WWOX: variants seen among roughly 807,000 people sequenced by gnomAD.
The protein encoded by WWOX is WW domain-containing oxidoreductase.
Under a neutral mutation model 46.2 loss-of-function variants are expected in WWOX, and 69 were observed. The ratio of observed to expected loss-of-function variants is 1.49; its 90% confidence interval spans 1.23 to 1.82. The LOEUF is 1.82. Ranked by LOEUF, WWOX falls within the 40% of genes most tolerant of loss-of-function variation. The pLI is 0.00. For synonymous variants in WWOX, 359 were observed against 202.6 expected (o/e 1.77, Z -6.56); for missense variants, 919 against 542.6 (o/e 1.69, Z -6.89).
chr16:78,648,358 C>T (rs1280009162), intron 8 of WWOX, among the ~76,000 whole-genome samples: 4 of 152,296 alleles, frequency 2.6e-5, no homozygotes, highest in Admixed American at 2.0e-4. Context: ...AGCCAGCCGG[C>T]TCCCCTGCAC....
chr16:78,422,206 T>A lies in WWOX; in HGVS notation c.606-2664T>A, dbSNP rs574583947. ...TTATATACTAAAAATATGGGGCTTC[T>A]ATATGATTGCATATATTCGTCACTT... On this transcript the variant is annotated intron_variant, in intron 6 of 8. Transcript: ENST00000566780. 7.2e-5 allele frequency among the ~76,000 whole-genome samples: 11 copies of A among 152,336 alleles called. No individual in the cohort carries two copies. In the South Asian group the frequency reaches 2.3e-3, roughly 32 times the overall value.
At chr16:78,882,954 T>G (rs377615471) in intron 8 of WWOX, among the ~76,000 whole-genome samples, 1 of 152,120 alleles carries the variant, frequency 6.6e-6, no homozygotes, top group Non-Finnish European at 1.5e-5. Context: ...TGTCGTAGGC[T>G]GAGGGAGAAG....
intron 8 of WWOX, among the ~76,000 whole-genome samples, chr16:79,040,166 C>T (rs1200085275): frequency 1.3e-5 from 2 of 152,078 alleles, no homozygotes; most frequent in African/African-American, 2.4e-5. Flanking sequence ...ATAAAAAGAG[C>T]CCTTGGAAAA....
chr16:78,996,386 C>CCG (rs1555508914), intron 8 of WWOX: 1 of 811,984 alleles, frequency 1.2e-6, no homozygotes, highest in Admixed American at 8.0e-5. Context: ...ACCCCCGCCC[C>CCG]CCAGCTTCCC....
At chr16:79,112,202 T>C (rs565507213) in intron 8 of WWOX, among the ~76,000 whole-genome samples, 1 of 152,272 alleles carries the variant, frequency 6.6e-6, no homozygotes, top group East Asian at 1.9e-4. Flanking sequence ...GTAAGTATTA[T>C]ACATGCCAAA....
rs188114155 is a variant in WWOX, at chr16:78,612,895, G to A, written c.1056+180143G>A. 1.2e-4 allele frequency among the ~76,000 whole-genome samples: 18 copies of A among 152,326 alleles called. No homozygotes were observed. The East Asian group carries it at 3.3e-3, about 28-fold the overall frequency. On this transcript the variant is annotated intron_variant, in intron 8 of 8. Transcript: ENST00000566780. ...CATAGTCCCTTAGGGTAACATGAGT[G>A]CTCAAGAAATAGTAAATTTTAGTAT...
chr16:78,603,447 C>T (rs1484746499), intron 8 of WWOX, among the ~76,000 whole-genome samples: 1 of 152,204 alleles, frequency 6.6e-6, no homozygotes, highest in African/African-American at 2.4e-5. Flanking sequence ...GCAATCCCAG[C>T]ATTTTGGGAG....
intron 8 of WWOX, among the ~76,000 whole-genome samples, chr16:78,591,318 A>G (rs566075304): frequency 2.0e-5 from 3 of 152,286 alleles, no homozygotes; most frequent in East Asian, 3.9e-4. Context: ...CCAGAACTGT[A>G]TCAAATTTAC....
intron 8 of WWOX, among the ~76,000 whole-genome samples, chr16:79,043,475 G>A (rs909485502): frequency 6.6e-6 from 1 of 152,190 alleles, no homozygotes; most frequent in Non-Finnish European, 1.5e-5. Context: ...AAAAGCAAGT[G>A]CATTAGATAA....
intron 8 of WWOX, among the ~76,000 whole-genome samples, chr16:79,187,436 T>C (rs907999288): frequency 3.3e-5 from 5 of 152,214 alleles, no homozygotes; most frequent in African/African-American, 1.2e-4. Flanking sequence ...AGTATCGCTC[T>C]GTCACCCAGG....
chr16:78,673,913 T>A (rs1332352205), intron 8 of WWOX, among the ~76,000 whole-genome samples: 2 of 152,170 alleles, frequency 1.3e-5, no homozygotes, highest in African/African-American at 4.8e-5. Flanking sequence ...TTTAATTGGT[T>A]CATCCCATTT....
intron 8 of WWOX, among the ~76,000 whole-genome samples, chr16:78,979,932 T>C (rs2046648051): frequency 6.6e-6 from 1 of 152,084 alleles, no homozygotes; most frequent in Admixed American, 6.6e-5. Context: ...ATTGAGACCA[T>C]CCTGGCTAAC....
At chr16:78,299,427 C>G (rs1025724309) in intron 5 of WWOX, among the ~76,000 whole-genome samples, 6 of 152,084 alleles carry the variant, frequency 3.9e-5, no homozygotes, top group African/African-American at 1.2e-4. Flanking sequence ...AAGTACAAAT[C>G]AATGTGCTGA....
chr16:78,289,284 A>G (rs1055959066), intron 5 of WWOX, among the ~76,000 whole-genome samples: 1 of 152,178 alleles, frequency 6.6e-6, no homozygotes, highest in Non-Finnish European at 1.5e-5. Context: ...CTAAGTTGGC[A>G]AGAATAAAAC....
intron 8 of WWOX, among the ~76,000 whole-genome samples, chr16:78,746,511 A>G (rs2142434792): frequency 6.6e-6 from 1 of 152,188 alleles, no homozygotes; most frequent in South Asian, 2.1e-4. Flanking sequence ...CATTGTAGTA[A>G]TACTAGATAT....
intron 8 of WWOX, among the ~76,000 whole-genome samples, chr16:78,803,659 A>G (rs993581859): frequency 1.2e-4 from 18 of 152,100 alleles, no homozygotes; most frequent in Admixed American, 3.3e-4. Flanking sequence ...TGGTCTCCCT[A>G]TGTTGCCCAG....
intron 8 of WWOX, among the ~76,000 whole-genome samples, chr16:78,719,375 G>C (rs1290043300): frequency 6.6e-6 from 1 of 152,236 alleles, no homozygotes; most frequent in African/African-American, 2.4e-5. Context: ...TCTGTCAGGT[G>C]ATGTGGGATC....
chr16:78,961,286 C>T (rs1307756822), intron 8 of WWOX, among the ~76,000 whole-genome samples: 1 of 152,168 alleles, frequency 6.6e-6, no homozygotes, highest in Admixed American at 6.5e-5. Context: ...TATATATGAA[C>T]TGATGATTAT....
At chr16:78,253,011 A>G (rs957413724) in intron 5 of WWOX, among the ~76,000 whole-genome samples, 1 of 152,250 alleles carries the variant, frequency 6.6e-6, no homozygotes, top group Non-Finnish European at 1.5e-5. Context: ...CTATTTACGT[A>G]GGCCCTTTAT....
Sources: allele counts gnomAD v4.1 joint callset (sites outside exome capture counted in the v4.1 genomes callset), GRCh38; gene constraint gnomAD v4.1.1; transcripts MANE v1.5; gene names NCBI Gene and HGNC (gene_info 2026-07-23, HGNC 2026-07-21).